The following SPESP1 variants were observed in gnomAD, a reference collection of about 807,000 sequenced individuals.
SPESP1 encodes the protein sperm equatorial segment protein 1.
A neutral mutation model predicts 3.1 loss-of-function variants in SPESP1; 1 was observed. That is an observed-to-expected ratio of 0.33 (90% confidence interval 0.12 to 1.54). The LOEUF is 1.54. Ranked by LOEUF, SPESP1 falls within the 40% of genes most tolerant of loss-of-function variation. The pLI, the probability that SPESP1 is intolerant of heterozygous loss-of-function variation, is 0.38. For synonymous variants in SPESP1, 138 were observed against 150.7 expected, an observed-to-expected ratio of 0.92 and a Z score of 0.62; for missense variants, 398 against 410.1, an observed-to-expected ratio of 0.97 and a Z score of 0.26.
chr15:68,946,568 C>T lies in SPESP1; in HGVS notation c.1034C>T (p.Ala345Val), dbSNP rs200855353. Reference sequence around the variant, plus strand: ...ATGTGTAGATCAAGGAGAGTCACAGCCTTATTAAAAGTTTATTAAACAATA... The same window carrying T: ...ATGTGTAGATCAAGGAGAGTCACAGTCTTATTAAAAGTTTATTAAACAATA... Reference protein sequence around the residue: ...KNMCRSRRVTALLKVY With the variant: ...KNMCRSRRVTVLLKVY Residue 345 changes from alanine to valine, a missense_variant, in exon 2 of 2, where the codon GCC (alanine) becomes GTC (valine). Coordinates refer to ENST00000310673, the MANE Select transcript of SPESP1 (RefSeq NM_145658.4). The T allele has an allele frequency of 1.5e-4, 212 of 1,461,914 alleles. 1 individual carries two copies. The East Asian group carries it at 5.0e-3, about 34-fold the overall frequency. The allele number at this position is 1,461,914 out of a possible 1,614,324, so 90.6% of individuals were successfully genotyped here.
intron 1 of SPESP1, among the ~76,000 whole-genome samples, chr15:68,938,191 G>C (rs1231541643): frequency 6.6e-6 from 1 of 152,144 alleles, no homozygotes; most frequent in African/African-American, 2.4e-5. Context: ...ATGTTGGCCA[G>C]GCTGGTCTCG....
chr15:68,936,550 G>A (rs1013591486), intron 1 of SPESP1, among the ~76,000 whole-genome samples: 1 of 152,146 alleles, frequency 6.6e-6, no homozygotes, highest in South Asian at 2.1e-4. Flanking sequence ...GGTTGTCCAG[G>A]GTCTGGGGGA....
At chr15:68,938,663 G>A (rs1472181032) in intron 1 of SPESP1, among the ~76,000 whole-genome samples, 5 of 152,112 alleles carry the variant, frequency 3.3e-5, no homozygotes, top group African/African-American at 4.8e-5. Flanking sequence ...TAGTATCCCT[G>A]CAGAATAATT....
At chr15:68,931,974 A>G (rs1895555052) in intron 1 of SPESP1, among the ~76,000 whole-genome samples, 1 of 152,250 alleles carries the variant, frequency 6.6e-6, no homozygotes, top group Non-Finnish European at 1.5e-5. Context: ...TAAAAACTGA[A>G]AATACAACAC....
chr15:68,939,712 C>T (rs944425151), intron 1 of SPESP1: 4 of 152,148 alleles, frequency 2.6e-5, no homozygotes, highest in Non-Finnish European at 4.4e-5. Context: ...TGTTGCTAGG[C>T]AGCCAAGAAC....
intron 1 of SPESP1, among the ~76,000 whole-genome samples, chr15:68,937,017 T>C (rs939598046): frequency 6.6e-6 from 1 of 152,222 alleles, no homozygotes; most frequent in Non-Finnish European, 1.5e-5. Context: ...AACATTCTTA[T>C]TACTCATTTA....
intron 1 of SPESP1, among the ~76,000 whole-genome samples, chr15:68,940,149 A>G (rs1171983343): frequency 6.6e-6 from 1 of 152,174 alleles, no homozygotes; most frequent in Non-Finnish European, 1.5e-5. Flanking sequence ...TTTTTGGGGA[A>G]CAGGTGGTTT....
intron 1 of SPESP1, among the ~76,000 whole-genome samples, chr15:68,936,420 GAT>G (rs1895682981): frequency 1.3e-5 from 2 of 152,180 alleles, no homozygotes; most frequent in South Asian, 4.1e-4. Context: ...CAACATAGAT[GAT>G]CTTGAAGACA....
At chr15:68,940,029 AC>A (rs1895778018) in intron 1 of SPESP1, among the ~76,000 whole-genome samples, 1 of 152,212 alleles carries the variant, frequency 6.6e-6, no homozygotes. Context: ...GATTAAAAAA[AC>A]ATTTTATTAC....
chr15:68,944,411 T>C (rs1895907562), intron 1 of SPESP1, among the ~76,000 whole-genome samples: 1 of 151,724 alleles, frequency 6.6e-6, no homozygotes, highest in African/African-American at 2.4e-5. Context: ...ACCCTTGGGC[T>C]TTTTTTGTCT....
At chr15:68,933,625 G>A (rs1265780014) in intron 1 of SPESP1, among the ~76,000 whole-genome samples, 4 of 151,634 alleles carry the variant, frequency 2.6e-5, no homozygotes, top group African/African-American at 4.8e-5. Context: ...TTGGGAGGCT[G>A]AGGCGGGCAG....
At position 68,946,768 on chromosome 15, in the gene SPESP1, A is replaced by G; in HGVS notation, c.*181A>G. The G allele has an allele frequency of 1.3e-6, 1 of 749,436 alleles. No individual in the cohort carries two copies. The highest frequency in any genetic ancestry group is 1.8e-6 in the Non-Finnish European group (1 of 554,198). 46.4% of individuals were successfully genotyped at this position (749,436 alleles called of 1,614,324 possible). On this transcript the variant is annotated 3_prime_UTR_variant, in exon 2 of 2. Coordinates refer to ENST00000310673, the MANE Select transcript of SPESP1 (RefSeq NM_145658.4). Reference sequence around the variant, plus strand: ...GTGTCATGTGTTATGAACAATTTTCATATGCACTAAAAACCTAATTTAAAA... The same window carrying G: ...GTGTCATGTGTTATGAACAATTTTCGTATGCACTAAAAACCTAATTTAAAA...
intron 1 of SPESP1, 107 bp from the exon 2 acceptor site, chr15:68,945,492 A>AT (rs1895935010): frequency 3.3e-6 from 3 of 913,940 alleles, no homozygotes; most frequent in East Asian, 6.0e-5. Context: ...CTTTATTTCA[A>AT]TTTTTAAGTG....
At chr15:68,943,189 G>T (rs1156928189) in intron 1 of SPESP1, among the ~76,000 whole-genome samples, 1 of 151,610 alleles carries the variant, frequency 6.6e-6, no homozygotes, top group African/African-American at 2.4e-5. Flanking sequence ...CTCCTTAGAG[G>T]CAACTGCCCA....
chr15:68,934,707 CTT>C (rs1173544858), intron 1 of SPESP1, among the ~76,000 whole-genome samples: 3 of 152,020 alleles, frequency 2.0e-5, no homozygotes, highest in Admixed American at 2.0e-4. Flanking sequence ...TGAAATTAAA[CTT>C]AAGCAACATT....
chr15:68,941,931 C>T (rs1217014978), intron 1 of SPESP1, among the ~76,000 whole-genome samples: 1 of 152,168 alleles, frequency 6.6e-6, no homozygotes, highest in East Asian at 1.9e-4. Context: ...CTCAAGCAAT[C>T]CTTTCACTTC....
intron 1 of SPESP1, among the ~76,000 whole-genome samples, chr15:68,945,294 C>T (rs1048134488): frequency 1.3e-5 from 2 of 152,094 alleles, no homozygotes; most frequent in Non-Finnish European, 1.5e-5. Flanking sequence ...CAAGAATTTT[C>T]GTTTAATAAG....
chr15:68,930,816 C>T, intron 1 of SPESP1, 99 bp downstream of exon 1: 1 of 1,568,798 alleles, frequency 6.4e-7, no homozygotes. Flanking sequence ...CTCCCTGGTC[C>T]TACATGCCTC....
intron 1 of SPESP1, among the ~76,000 whole-genome samples, chr15:68,932,616 T>G (rs999083859): frequency 5.3e-5 from 8 of 152,114 alleles, no homozygotes; most frequent in Non-Finnish European, 1.0e-4. Flanking sequence ...GGTCTCGAGC[T>G]CCTGACCTCA....
Sources: gnomAD v4.1 joint callset for allele counts (sites outside exome capture counted in the v4.1 genomes callset) on GRCh38, gnomAD v4.1.1 for gene constraint, MANE v1.5 for transcripts, NCBI Gene and HGNC (gene_info 2026-07-23, HGNC 2026-07-21) for gene names.